LRP6: variants seen among roughly 807,000 people sequenced by gnomAD.
The protein encoded by LRP6 is low-density lipoprotein receptor-related protein 6.
LRP6 carries 43 observed loss-of-function variants against 184.1 expected under a neutral mutation model. That is an observed-to-expected ratio of 0.23 (90% CI 0.18 to 0.30). LRP6 has a LOEUF of 0.30. Ranked by LOEUF, LRP6 falls within the 10% of genes least tolerant of loss-of-function variation. The probability of loss-of-function intolerance (pLI) is 1.00; values close to 1 mark genes in which losing one functional copy is unlikely to be tolerated. For synonymous variants in LRP6, 719 were observed against 684.9 expected (o/e 1.05, Z -0.78); for missense variants, 1,571 against 2,005.3 (o/e 0.78, Z 4.14).
intron 15 of LRP6, chr12:12,139,078 T>C: frequency 8.7e-7 from 1 of 1,149,934 alleles, no homozygotes; most frequent in Non-Finnish European, 1.1e-6. Flanking sequence ...TTTTATACAG[T>C]GGGCTAAAAT....
At chr12:12,141,699 T>G (rs1160139483) in intron 15 of LRP6, among the ~76,000 whole-genome samples, 2 of 152,182 alleles carry the variant, frequency 1.3e-5, no homozygotes, top group Non-Finnish European at 2.9e-5. Flanking sequence ...ATTTTAATTA[T>G]GAAGACAAAT....
At chr12:12,241,257 T>G (rs1173526546) in intron 2 of LRP6, among the ~76,000 whole-genome samples, 1 of 152,194 alleles carries the variant, frequency 6.6e-6, no homozygotes, top group Non-Finnish European at 1.5e-5. Flanking sequence ...TCCTCAGCAC[T>G]GTTTTCATGT....
At chr12:12,235,474 A>C (rs748611067) in intron 2 of LRP6, among the ~76,000 whole-genome samples, 4 of 152,204 alleles carry the variant, frequency 2.6e-5, no homozygotes, top group Non-Finnish European at 5.9e-5. Context: ...TCACGCCTGT[A>C]ATCTCACGCA....
intron 1 of LRP6, among the ~76,000 whole-genome samples, chr12:12,262,666 ATAT>A (rs1195027958): frequency 1.3e-5 from 2 of 152,156 alleles, no homozygotes; most frequent in Non-Finnish European, 2.9e-5. Flanking sequence ...AGAAGATCAG[ATAT>A]TATTTTTTCT....
chr12:12,262,548 A>G (rs1454632280), intron 1 of LRP6, among the ~76,000 whole-genome samples: 1 of 148,232 alleles, frequency 6.7e-6, no homozygotes, highest in African/African-American at 2.5e-5. Flanking sequence ...ACAGAGCGAG[A>G]CTCCGTCTCA....
chr12:12,145,245 A>G (rs1949986902), intron 15 of LRP6, among the ~76,000 whole-genome samples: 4 of 151,906 alleles, frequency 2.6e-5, no homozygotes. Flanking sequence ...CAGGCGTGTA[A>G]CTATACATGC....
intron 15 of LRP6, among the ~76,000 whole-genome samples, chr12:12,140,635 GCT>G (rs1949918474): frequency 1.4e-5 from 2 of 142,230 alleles, no homozygotes; most frequent in Non-Finnish European, 3.1e-5. Context: ...ACGGAGTTTT[GCT>G]CTTTCGCCCA....
chr12:12,248,937 T>C lies in LRP6; in HGVS notation c.56-4282A>G. ...ATAGGTATCCTAAGACTCTCTGTTGTTCCAAATGACAGAGTATAAAAAATT... is the reference window on the plus strand; with the variant it reads ...ATAGGTATCCTAAGACTCTCTGTTGCTCCAAATGACAGAGTATAAAAAATT... On this transcript the variant is annotated intron_variant, in intron 1 of 22. Transcript: ENST00000261349. 9.1e-6 allele frequency: 4 copies of C among 441,498 alleles called. No homozygotes were observed. In the South Asian group the frequency reaches 9.8e-5, roughly 11 times the overall value. The allele number at this position is 441,498 out of a possible 1,614,324, so 27.3% of individuals were successfully genotyped here.
intron 2 of LRP6, among the ~76,000 whole-genome samples, chr12:12,238,201 G>GT (rs1471095417): frequency 2.7e-5 from 4 of 147,440 alleles, no homozygotes; most frequent in South Asian, 2.1e-4. Context: ...AAAGAATTTT[G>GT]TATCTAGATG....
intron 12 of LRP6, among the ~76,000 whole-genome samples, chr12:12,153,032 C>T (rs1440924953): frequency 2.0e-5 from 3 of 152,244 alleles, no homozygotes; most frequent in Non-Finnish European, 4.4e-5. Flanking sequence ...CATACTAATA[C>T]ATTGATTTAA....
At chr12:12,168,133 AAAC>A (rs1453372228) in intron 7 of LRP6, among the ~76,000 whole-genome samples, 25 of 152,210 alleles carry the variant, frequency 1.6e-4, no homozygotes, top group Admixed American at 1.6e-3. Context: ...CCCGCAAATC[AAAC>A]AACATTAGTA....
chr12:12,223,176 G>GAAAAA (rs35090683), intron 2 of LRP6, among the ~76,000 whole-genome samples: 1 of 115,220 alleles, frequency 8.7e-6, no homozygotes. Flanking sequence ...CATTTCATCA[G>GAAAAA]AAAAAAAAAA....
chr12:12,131,096 C>CTTTTTTTTTTTTTTT (rs1949746766), intron 18 of LRP6, among the ~76,000 whole-genome samples: 1 of 105,350 alleles, frequency 9.5e-6, no homozygotes, highest in African/African-American at 3.4e-5. Context: ...AATTTCCTAA[C>CTTTTTTTTTTTTTTT]ATTTTTTTTT....
chr12:12,191,622 TATAGAA>T (rs1185841850), intron 3 of LRP6, among the ~76,000 whole-genome samples: 2 of 152,070 alleles, frequency 1.3e-5, no homozygotes, highest in Admixed American at 6.6e-5. Context: ...GCCAGAAAGA[TATAGAA>T]ATAGAACAAA....
At chr12:12,167,917 G>GAAGACAAAAAC (rs1862932717) in intron 7 of LRP6, among the ~76,000 whole-genome samples, 1 of 152,038 alleles carries the variant, frequency 6.6e-6, no homozygotes, top group Admixed American at 6.6e-5. Flanking sequence ...CTGTTAAACT[G>GAAGACAAAAAC]AAGACAAAAA....
At chr12:12,122,751 G>C (rs556804170) in intron 22 of LRP6, among the ~76,000 whole-genome samples, 16 of 152,294 alleles carry the variant, frequency 1.1e-4, no homozygotes, top group African/African-American at 3.8e-4. Context: ...AGGACTGCTT[G>C]AGCCCGGGAG....
Position 12,118,631 on chromosome 12 carries a change from C to G in LRP6, c.*2495G>C, listed in dbSNP as rs946093070. 1 of 152,084 alleles carries G rather than the reference C, an allele frequency of 6.6e-6. No homozygotes were observed. Among genetic ancestry groups the G allele is most frequent in the Non-Finnish European group, 1.5e-5 (1 of 68,012 alleles). The allele number at this position is 152,084 out of a possible 1,614,324, so 9.4% of individuals were successfully genotyped here. A position where few individuals can be genotyped will look rare whatever the true frequency, so the allele number is the denominator to read the frequency against. On this transcript the variant is annotated 3_prime_UTR_variant, in exon 23 of 23. Coordinates refer to ENST00000261349, the MANE Select transcript of LRP6 (RefSeq NM_002336.3). ...ATAATCAATATACAGTTTACTTAAG[C>G]TTAACTGTCCATGTAACCTAAGGCT...
At chr12:12,249,480 A>G in intron 1 of LRP6, 2 of 668,198 alleles carry the variant, frequency 3.0e-6, no homozygotes, top group Non-Finnish European at 5.3e-6. Context: ...TCGAAAAGAA[A>G]AACCACAGGC....
At chr12:12,222,566 CA>C (rs1219035988) in intron 2 of LRP6, among the ~76,000 whole-genome samples, 135 of 134,910 alleles carry the variant, frequency 1.0e-3, no homozygotes, top group African/African-American at 2.2e-3. Flanking sequence ...GACTCCGTCT[CA>C]AAAAAAAAAA....
Sources: gnomAD v4.1 joint callset for allele counts (sites outside exome capture counted in the v4.1 genomes callset) on GRCh38, gnomAD v4.1.1 for gene constraint, MANE v1.5 for transcripts, NCBI Gene and HGNC (gene_info 2026-07-23, HGNC 2026-07-21) for gene names.